The following ADAMTS2 variants were observed in gnomAD, a reference collection of about 807,000 sequenced individuals.
The protein encoded by ADAMTS2 is ADAM metallopeptidase with thrombospondin type 1 motif 2.
A neutral mutation model predicts 123.0 loss-of-function variants in ADAMTS2; 50 were observed. The observed-to-expected ratio is 0.41, with a 90% confidence interval of 0.32 to 0.51. The LOEUF (loss-of-function observed/expected upper bound fraction) is 0.51. Ranked by LOEUF, ADAMTS2 falls within the 20% of genes least tolerant of loss-of-function variation. The pLI, the probability that ADAMTS2 is intolerant of heterozygous loss-of-function variation, is 0.35. For missense variants in ADAMTS2, 1,494 were observed against 1,705.2 expected, an observed-to-expected ratio of 0.88 and a Z score of 2.18; for synonymous variants, 678 against 695.4, an observed-to-expected ratio of 0.98 and a Z score of 0.39.
In ADAMTS2 at chr5:179,170,872, G is replaced by A. The variant is rs570496505; in HGVS notation, c.975+10200C>T. Among the ~76,000 whole-genome samples, 7 of 152,252 alleles carry A rather than the reference G, an allele frequency of 4.6e-5. No individual in the cohort carries two copies. In the South Asian group the frequency reaches 1.5e-3, roughly 32 times the overall value. On this transcript the variant is annotated intron_variant, in intron 5 of 21. Coordinates refer to ENST00000251582, the MANE Select transcript of ADAMTS2 (RefSeq NM_014244.5). This position sits in a 1 kb window ranked among gnomAD's most constrained non-coding sequence, Gnocchi z 4.3. ...TCTGGGCTGGCCGGATGCTTTGGGG[G>A]CACAAGGATACATCTCCTCCCACGT...
intron 2 of ADAMTS2, among the ~76,000 whole-genome samples, chr5:179,323,302 C>G (rs1581275685): frequency 6.6e-6 from 1 of 152,246 alleles, no homozygotes; most frequent in East Asian, 1.9e-4. Context: ...GCCCCAGGGG[C>G]AGCAGTCCAG....
intron 10 of ADAMTS2, 152 bp from the exon 11 acceptor site, chr5:179,140,187 C>T: frequency 8.4e-7 from 1 of 1,184,532 alleles, no homozygotes; most frequent in Non-Finnish European, 1.2e-6. Flanking sequence ...ATGCTCAGAG[C>T]CCCCAGAAGA....
intron 3 of ADAMTS2, among the ~76,000 whole-genome samples, chr5:179,218,335 T>C (rs1430862118): frequency 6.6e-6 from 1 of 152,210 alleles, no homozygotes; most frequent in African/African-American, 2.4e-5. Context: ...GCTCTGTGGC[T>C]GTGTATTCCC....
intron 5 of ADAMTS2, among the ~76,000 whole-genome samples, chr5:179,164,084 G>A (rs902280986): frequency 1.3e-5 from 2 of 152,268 alleles, no homozygotes; most frequent in South Asian, 2.1e-4. Flanking sequence ...CTCAGTGTCC[G>A]GGCACCCCAG....
At chr5:179,136,169 G>C in intron 12 of ADAMTS2, 127 bp from the exon 13 acceptor site, 1 of 1,355,114 alleles carries the variant, frequency 7.4e-7, no homozygotes, top group Non-Finnish European at 1.0e-6. Flanking sequence ...AGGGCAGACA[G>C]AGAGGGAAAG....
intron 2 of ADAMTS2, among the ~76,000 whole-genome samples, chr5:179,329,236 AGAAT>A (rs1157517611): frequency 6.6e-6 from 1 of 151,502 alleles, no homozygotes; most frequent in Non-Finnish European, 1.5e-5. Context: ...CTGAAGCAGG[AGAAT>A]GGCGTGAACC....
rs1765486440 is a variant in ADAMTS2, at chr5:179,234,728, C to T, written c.689-27013G>A. ...GCATCCTGGCACCTTCCCCATCTCCCCGTCCATGATGAGCTCAGCCCCTCC... is the reference window on the plus strand; with the variant it reads ...GCATCCTGGCACCTTCCCCATCTCCTCGTCCATGATGAGCTCAGCCCCTCC... On this transcript the variant is annotated intron_variant, in intron 3 of 21. Transcript: ENST00000251582. This position sits in a 1 kb window ranked among gnomAD's most constrained non-coding sequence, Gnocchi z 4.7. Among the ~76,000 whole-genome samples, 1 of 152,162 alleles carries T rather than the reference C, an allele frequency of 6.6e-6. No individual in the cohort carries two copies. Among genetic ancestry groups the T allele is most frequent in the Non-Finnish European group, 1.5e-5 (1 of 68,014 alleles).
chr5:179,124,477 G>A (rs760896061), intron 19 of ADAMTS2, among the ~76,000 whole-genome samples: 5 of 152,146 alleles, frequency 3.3e-5, no homozygotes, highest in Non-Finnish European at 7.4e-5. Context: ...CTGGAGCCCC[G>A]AACATCCTAC....
chr5:179,262,942 CT>C lies in ADAMTS2; in HGVS notation c.688+9968del, dbSNP rs1431634900. Among the ~76,000 whole-genome samples, 1 of 152,252 alleles carries C rather than the reference CT, an allele frequency of 6.6e-6. No individual in the cohort carries two copies. The highest frequency in any genetic ancestry group is 6.5e-5 in the Admixed American group (1 of 15,292). ...TGTGGCAGCAGGCAAGGTGCCCTCT[CT>C]GAGCCTCAGTCTCCCCCTAAGCAGT... On this transcript the variant is annotated intron_variant, in intron 3 of 21. Coordinates refer to ENST00000251582, the MANE Select transcript of ADAMTS2 (RefSeq NM_014244.5). The surrounding 1 kb of genome is among the most constrained non-coding windows in gnomAD (Gnocchi z 5.9).
chr5:179,278,451 T>A (rs1369201833), intron 2 of ADAMTS2, among the ~76,000 whole-genome samples: 1 of 152,134 alleles, frequency 6.6e-6, no homozygotes, highest in African/African-American at 2.4e-5. Flanking sequence ...TATCTGTTTT[T>A]ACATGTAATT....
intron 10 of ADAMTS2, among the ~76,000 whole-genome samples, chr5:179,151,453 C>T (rs1199249939): frequency 2.0e-5 from 3 of 152,092 alleles, no homozygotes; most frequent in African/African-American, 7.2e-5. Flanking sequence ...GGATGTGCAC[C>T]GGTGTCCACT....
At position 179,115,168 on chromosome 5, in the gene ADAMTS2, CA is replaced by C. The variant is rs1210678719; in HGVS notation, c.3179-845del. On this transcript the variant is annotated intron_variant, in intron 21 of 21. Coordinates refer to ENST00000251582, the MANE Select transcript of ADAMTS2 (RefSeq NM_014244.5). This position sits in a 1 kb window ranked among gnomAD's most constrained non-coding sequence, Gnocchi z 4.4. ...GCTTACATGGAGAGCCCCGACTCTCCACAGAAGCCACCATTATCTCTCACTT... is the reference window on the plus strand; with the variant it reads ...GCTTACATGGAGAGCCCCGACTCTCCCAGAAGCCACCATTATCTCTCACTT... 1.3e-5 allele frequency among the ~76,000 whole-genome samples: 2 copies of C among 152,126 alleles called. No individual in the cohort carries two copies. Among genetic ancestry groups the C allele is most frequent in the African/African-American group, 4.8e-5 (2 of 41,396 alleles).
rs958260329 is a variant in ADAMTS2, at chr5:179,312,235, G to A, written c.534+31532C>T. ...GGATCCTGAGATGGAGTGACTGCTGGATTTTCCGGGTGGGCCCAGGGATAG... is the reference window on the plus strand; with the variant it reads ...GGATCCTGAGATGGAGTGACTGCTGAATTTTCCGGGTGGGCCCAGGGATAG... On this transcript the variant is annotated intron_variant, in intron 2 of 21. Transcript: ENST00000251582. This position sits in a 1 kb window ranked among gnomAD's most constrained non-coding sequence, Gnocchi z 4.2. Among the ~76,000 whole-genome samples, 5 of 152,202 alleles carry A rather than the reference G, an allele frequency of 3.3e-5. No individual in the cohort carries two copies. Among genetic ancestry groups the A allele is most frequent in the African/African-American group, 4.8e-5 (2 of 41,436 alleles).
chr5:179,151,075 T>G (rs1763347499), intron 10 of ADAMTS2: 1 of 345,680 alleles, frequency 2.9e-6, no homozygotes, highest in Non-Finnish European at 6.0e-6. Context: ...TTTTGTATTT[T>G]TAGTAGAGAC....
intron 4 of ADAMTS2, among the ~76,000 whole-genome samples, chr5:179,198,530 C>A (rs549148499): frequency 6.6e-6 from 1 of 152,162 alleles, no homozygotes; most frequent in Non-Finnish European, 1.5e-5. Flanking sequence ...GCTACAGCTG[C>A]GTGTGCTCAA....
chr5:179,240,241 G>A (rs1389475218), intron 3 of ADAMTS2, among the ~76,000 whole-genome samples: 3 of 152,208 alleles, frequency 2.0e-5, no homozygotes, highest in African/African-American at 7.2e-5. Flanking sequence ...GAACATCATC[G>A]TAAGCAAGAG....
chr5:179,224,508 T>C (rs767517988), intron 3 of ADAMTS2, among the ~76,000 whole-genome samples: 14 of 152,238 alleles, frequency 9.2e-5, no homozygotes, highest in Admixed American at 2.6e-4. Flanking sequence ...CCAATTTTCC[T>C]TGGAGCATGC....
At chr5:179,221,132 C>T (rs897432920) in intron 3 of ADAMTS2, among the ~76,000 whole-genome samples, 1 of 152,140 alleles carries the variant, frequency 6.6e-6, no homozygotes, top group Non-Finnish European at 1.5e-5. Flanking sequence ...CACCAAGCTG[C>T]CTTCCTAGGA....
chr5:179,172,510 G>A (rs550043572), intron 5 of ADAMTS2, among the ~76,000 whole-genome samples: 1 of 152,376 alleles, frequency 6.6e-6, no homozygotes, highest in East Asian at 1.9e-4. Context: ...GGCTTCTCAT[G>A]CAGGGGAGAC....
Sources: allele counts gnomAD v4.1 joint callset (sites outside exome capture counted in the v4.1 genomes callset), GRCh38; gene constraint gnomAD v4.1.1; non-coding constraint Gnocchi (gnomAD v3.1); transcripts MANE v1.5; gene names NCBI Gene and HGNC (gene_info 2026-07-23, HGNC 2026-07-21).